RAD51B: variants seen among roughly 807,000 people sequenced by gnomAD.
The protein encoded by RAD51B is DNA repair protein RAD51 homolog 2.
RAD51B carries 38 observed loss-of-function variants against 42.2 expected under a neutral mutation model. The ratio of observed to expected loss-of-function variants is 0.90; its 90% CI spans 0.70 to 1.18. The LOEUF is 1.18. RAD51B is among the 50% of genes most tolerant of loss of function. RAD51B has a pLI of 0.00. For synonymous variants in RAD51B, 154 were observed against 145.2 expected, an observed-to-expected ratio of 1.06 and a Z score of -0.43; for missense variants, 373 against 400.7, an observed-to-expected ratio of 0.93 and a Z score of 0.59.
At chr14:68,305,933 T>A (rs1371461387) in intron 8 of RAD51B, among the ~76,000 whole-genome samples, 1 of 152,130 alleles carries the variant, frequency 6.6e-6, no homozygotes, top group Non-Finnish European at 1.5e-5. Context: ...GAGCACCAAA[T>A]GAAGTAAAAT....
intron 7 of RAD51B, among the ~76,000 whole-genome samples, chr14:68,081,860 C>G (rs1263719807): frequency 6.6e-6 from 1 of 152,168 alleles, no homozygotes; most frequent in African/African-American, 2.4e-5. Context: ...ACGCTTTGAC[C>G]TACATATTGA....
chr14:68,312,844 T>G (rs1195205177), intron 8 of RAD51B, among the ~76,000 whole-genome samples: 1 of 152,226 alleles, frequency 6.6e-6, no homozygotes, highest in African/African-American at 2.4e-5. Context: ...CAGCCATTGT[T>G]AGCAAAGTAG....
chr14:67,853,956 G>A (rs1448971231), intron 4 of RAD51B, among the ~76,000 whole-genome samples: 1 of 152,338 alleles, frequency 6.6e-6, no homozygotes, highest in East Asian at 1.9e-4. Context: ...CTGCGGACCT[G>A]CTGAAGGAAG....
At position 67,896,768 on chromosome 14, in the gene RAD51B, T is replaced by C. The variant is rs138771111; in HGVS notation, c.756+9564T>C. Among the ~76,000 whole-genome samples, 109 of 152,344 alleles carry C rather than the reference T, an allele frequency of 7.2e-4. 1 individual carries two copies. The East Asian group carries it at 0.019, about 26-fold the overall frequency. On this transcript the variant is annotated intron_variant, in intron 7 of 10. Transcript: ENST00000471583. ...TTACATATCCTTTGCGTTTCTTGAA[T>C]GTAGTTCACTTAGTTAATACAGTAC...
chr14:68,491,422 T>A (rs1019959211), intron 10 of RAD51B, among the ~76,000 whole-genome samples: 1 of 152,258 alleles, frequency 6.6e-6, no homozygotes. Flanking sequence ...ATTTATAAGA[T>A]GCACTTTAAA....
intron 4 of RAD51B, among the ~76,000 whole-genome samples, chr14:67,852,807 C>T (rs34057001): frequency 0.04 from 6,060 of 152,164 alleles, 321 homozygotes; most frequent in African/African-American, 0.12. Context: ...AACTTTATGA[C>T]CATTCTGTTC....
chr14:68,207,238 A>G (rs1450593908), intron 7 of RAD51B, among the ~76,000 whole-genome samples: 1 of 152,232 alleles, frequency 6.6e-6, no homozygotes, highest in African/African-American at 2.4e-5. Flanking sequence ...ACATATATAT[A>G]TAAATACACA....
chr14:68,097,373 A>T (rs2077213621), intron 7 of RAD51B, among the ~76,000 whole-genome samples: 1 of 152,104 alleles, frequency 6.6e-6, no homozygotes, highest in Non-Finnish European at 1.5e-5. Context: ...TTGAACATTT[A>T]TATAGAATGG....
At chr14:68,648,049 AGATGTGTGTGTG>A (rs1566963459) in intron 10 of RAD51B, among the ~76,000 whole-genome samples, 6 of 132,946 alleles carry the variant, frequency 4.5e-5, no homozygotes, top group African/African-American at 1.2e-4. Context: ...ACACGTATAT[AGATGTGTGTGTG>A]TATATATATA....
intron 8 of RAD51B, among the ~76,000 whole-genome samples, chr14:68,296,976 T>G (rs2081626765): frequency 6.6e-6 from 1 of 152,230 alleles, no homozygotes; most frequent in Non-Finnish European, 1.5e-5. Flanking sequence ...GTTTTATTGT[T>G]GGAAGGCTTT....
chr14:68,402,432 T>C (rs979213385), intron 8 of RAD51B, among the ~76,000 whole-genome samples: 2 of 152,188 alleles, frequency 1.3e-5, no homozygotes, highest in African/African-American at 4.8e-5. Context: ...AGAAGCTGAA[T>C]TGAATGGATG....
intron 7 of RAD51B, among the ~76,000 whole-genome samples, chr14:68,078,801 G>A (rs1566627933): frequency 1.3e-5 from 2 of 152,056 alleles, no homozygotes; most frequent in Admixed American, 6.5e-5. Context: ...ACCAGCCTGC[G>A]CAAAAGAGGG....
At chr14:68,009,098 G>C (rs926503313) in intron 7 of RAD51B, among the ~76,000 whole-genome samples, 1 of 151,908 alleles carries the variant, frequency 6.6e-6, no homozygotes, top group Non-Finnish European at 1.5e-5. Flanking sequence ...CAGGATTGTG[G>C]CTTCTTTAAT....
rs564540600 is a variant in RAD51B, at chr14:68,499,517, G to C, written c.1036+31267G>C. ...AGTGGATGCAGTAGGTTAAATGGTG[G>C]CTCCCAAAAAGATACGTCCATGTCC... On this transcript the variant is annotated intron_variant, in intron 10 of 10. Transcript: ENST00000487270. 2.4e-4 allele frequency among the ~76,000 whole-genome samples: 36 copies of C among 152,262 alleles called. 1 individual carries two copies. The South Asian group carries it at 7.1e-3, about 30-fold the overall frequency.
At chr14:68,598,721 G>T (rs911054280), downstream of RAD51B, among the ~76,000 whole-genome samples, 1 of 152,210 alleles carries the variant, frequency 6.6e-6, no homozygotes, top group Non-Finnish European at 1.5e-5. Flanking sequence ...CTCGTGGGCT[G>T]TGCCTCCAGA....
chr14:67,855,190 G>T (rs531540507), intron 4 of RAD51B, among the ~76,000 whole-genome samples: 7 of 146,250 alleles, frequency 4.8e-5, no homozygotes, highest in Non-Finnish European at 9.1e-5. Context: ...GAACCACCGC[G>T]CCTGGCCAGC....
intron 7 of RAD51B, among the ~76,000 whole-genome samples, chr14:68,242,260 C>G (rs1308715047): frequency 6.6e-6 from 1 of 152,196 alleles, no homozygotes; most frequent in African/African-American, 2.4e-5. Context: ...CATCACACTT[C>G]AAGGTACGCT....
intron 8 of RAD51B, among the ~76,000 whole-genome samples, chr14:68,350,395 A>G (rs1314672384): frequency 2.0e-5 from 3 of 152,246 alleles, no homozygotes; most frequent in Non-Finnish European, 4.4e-5. Flanking sequence ...TTGGTATAGC[A>G]GCGATGATAT....
intron 7 of RAD51B, among the ~76,000 whole-genome samples, chr14:68,045,255 A>G (rs1029688155): frequency 1.3e-5 from 2 of 150,656 alleles, no homozygotes; most frequent in Non-Finnish European, 3.0e-5. Flanking sequence ...AAAAAAAAAA[A>G]AAAAAAAAGA....
Sources: gnomAD v4.1 joint callset for allele counts (sites outside exome capture counted in the v4.1 genomes callset) on GRCh38, gnomAD v4.1.1 for gene constraint, MANE v1.5 for transcripts, NCBI Gene and HGNC (gene_info 2026-07-23, HGNC 2026-07-21) for gene names.